UNC13D: variants seen among roughly 807,000 people sequenced by gnomAD.
UNC13D encodes the protein unc-13 homolog D.
A neutral mutation model predicts 151.7 loss-of-function variants in UNC13D; 115 were observed. The observed-to-expected ratio is 0.76, with a 90% CI of 0.65 to 0.88. The LOEUF (loss-of-function observed/expected upper bound fraction) is 0.88. Ranked by LOEUF, UNC13D falls within the 40% of genes least tolerant of loss-of-function variation. The pLI is 0.00. For synonymous variants in UNC13D, 588 were observed against 612.2 expected (o/e 0.96, Z 0.58); for missense variants, 1,369 against 1,438.7 (o/e 0.95, Z 0.78).
intron 13 of UNC13D, 26 bp downstream of exon 13, chr17:75,836,775 A>G: frequency 6.2e-7 from 1 of 1,613,674 alleles, no homozygotes; most frequent in Non-Finnish European, 8.5e-7. Context: ...CTGCCTGCTC[A>G]GTGCCCCTTG....
At chr17:75,841,425 G>A (rs559581348) in intron 6 of UNC13D, among the ~76,000 whole-genome samples, 2 of 147,594 alleles carry the variant, frequency 1.4e-5, no homozygotes, top group Admixed American at 6.8e-5. Context: ...TTACAAGCGT[G>A]AGCCACCGCG....
intron 12 of UNC13D, among the ~76,000 whole-genome samples, chr17:75,839,327 G>A (rs2064931465): frequency 1.3e-5 from 2 of 151,528 alleles, no homozygotes; most frequent in African/African-American, 4.9e-5. Context: ...ACTTGAACCT[G>A]GAAGGCAGAG....
chr17:75,831,275 G>A lies in UNC13D; in HGVS notation c.2521C>T (p.Leu841=). 1 of 1,614,034 alleles carries A rather than the reference G, an allele frequency of 6.2e-7. No homozygotes were observed. Among genetic ancestry groups the A allele is most frequent in the Middle Eastern group, 1.6e-4 (1 of 6,062 alleles). Reference sequence around the variant, plus strand: ...GCAATCTTCAGCCTGTTGGAAGCCAGGGATGAGCTGCGCTGGGAGGCGGCC... The same window carrying A: ...GCAATCTTCAGCCTGTTGGAAGCCAAGGATGAGCTGCGCTGGGAGGCGGCC... ...EAAASQRSSS[L]ASNRLKIALQ... is the part of the protein sequence containing the mutation. Residue 841 remains leucine, a synonymous_variant, in exon 26 of 32, where the codon CTG becomes TTG. Coordinates refer to ENST00000207549, the MANE Select transcript of UNC13D (RefSeq NM_199242.3).
At chr17:75,842,387 C>T in intron 6 of UNC13D, 46 bp downstream of exon 6, 1 of 1,586,322 alleles carries the variant, frequency 6.3e-7, no homozygotes, top group Non-Finnish European at 8.6e-7. Flanking sequence ...ACCCTGCTAC[C>T]CAGGAAAGAC....
chr17:75,834,893 G>C, intron 21 of UNC13D, 27 bp downstream of exon 21: 3 of 1,613,824 alleles, frequency 1.9e-6, no homozygotes, highest in East Asian at 4.5e-5. Flanking sequence ...TAGAAAGAGG[G>C]GGAAGGACAC....
chr17:75,842,327 AC>A, intron 6 of UNC13D, 105 bp downstream of exon 6: 3 of 1,471,430 alleles, frequency 2.0e-6, no homozygotes, highest in Non-Finnish European at 2.7e-6. Flanking sequence ...CCAGGGCCAA[AC>A]CCCCTCCCCT....
chr17:75,839,784 C>CA, intron 12 of UNC13D, 55 bp downstream of exon 12: 2 of 1,572,440 alleles, frequency 1.3e-6, no homozygotes, highest in Non-Finnish European at 1.7e-6. Flanking sequence ...TGGAGGAGGG[C>CA]AGGGGGCGTG....
At chr17:75,828,496 C>T (rs1452961695) in intron 31 of UNC13D, among the ~76,000 whole-genome samples, 1 of 152,248 alleles carries the variant, frequency 6.6e-6, no homozygotes, top group Non-Finnish European at 1.5e-5. Flanking sequence ...AAGCATCAGA[C>T]CGTTGCTGGT....
At position 75,836,341 on chromosome 17, in the gene UNC13D, G is replaced by T; in HGVS notation, c.1387C>A (p.Gln463Lys). ...CATCCCCAGCGCGAGTACCATACCTGCAGGGCCTCAGTCACCAGCTGGGGC... is the reference window on the plus strand; with the variant it reads ...CATCCCCAGCGCGAGTACCATACCTTCAGGGCCTCAGTCACCAGCTGGGGC... ...PLPQLVTEAL[Q>K]TGTTEWFHLK... Residue 463 changes from glutamine (Q) to lysine (K), a missense_variant and splice_region_variant, in exon 15 of 32, where the codon CAG becomes AAG. This residue lies in a region of UNC13D where 12 missense variants were observed against 34.3 expected (regional missense o/e 0.35). Coordinates refer to ENST00000207549, the MANE Select transcript of UNC13D (RefSeq NM_199242.3). 1.2e-6 allele frequency: 2 copies of T among 1,613,908 alleles called. No individual in the cohort carries two copies. The highest frequency in any genetic ancestry group is 1.7e-6 in the Non-Finnish European group (2 of 1,180,020).
rs749234163 is a variant in UNC13D at position 75,844,268 on chromosome 17, G to T, written c.70C>A (p.Arg24Ser). ...FLRQAIKIRR[R>S]RVRDLQDPPP... ...GGATCCTGTAGATCTCTGACTCTGC[G>T]GCGCCTTATCTTGATGGCCTGGCGC... Residue 24 changes from arginine to serine, a missense_variant, in exon 1 of 32, where the codon CGC becomes AGC. Around this residue, in one of 3 missense-constraint regions of UNC13D, gnomAD observed 550 missense variants for 609.0 expected, o/e 0.90. Transcript: ENST00000207549. 3 of 1,612,526 alleles carry T rather than the reference G, an allele frequency of 1.9e-6. No homozygotes were observed. The highest frequency in any genetic ancestry group is 1.3e-5 in the African/African-American group (1 of 74,904).
chr17:75,829,501 G>A (rs550492748), intron 30 of UNC13D, among the ~76,000 whole-genome samples: 2 of 151,700 alleles, frequency 1.3e-5, no homozygotes, highest in South Asian at 2.1e-4. Flanking sequence ...CACCATGTTA[G>A]CCAGGATGGT....
intron 6 of UNC13D, among the ~76,000 whole-genome samples, chr17:75,841,857 C>A (rs2064952016): frequency 6.7e-6 from 1 of 150,270 alleles, no homozygotes; most frequent in African/African-American, 2.4e-5. Flanking sequence ...CAAGCGATTC[C>A]CCTGCCTCAG....
Position 75,843,464 on chromosome 17 carries a change from C to G in UNC13D, c.153+20G>C, listed in dbSNP as rs2064964173. The G allele has an allele frequency of 5.0e-6, 8 of 1,602,638 alleles. No individual in the cohort carries two copies. In the African/African-American group the frequency reaches 9.3e-5, roughly 19 times the overall value. On this transcript the variant is annotated intron_variant, in intron 2 of 31. Transcript: ENST00000207549. ...AGCCGCCCTCCCCACCTCTCTGCAC[C>G]CCAGCACTCTGACTCTTACCTGCTC... is the stretch of plus-strand genomic sequence containing the variant.
chr17:75,839,769 C>T (rs530359733), intron 12 of UNC13D, 70 bp downstream of exon 12: 515 of 1,514,358 alleles, frequency 3.4e-4, no homozygotes, highest in East Asian at 9.5e-4. Flanking sequence ...TTTGGGCTAC[C>T]GGCTTGGAGG....
rs995579609 is a variant in UNC13D, at chr17:75,836,982, G to A, written c.1056-64C>T. ...GGAAATTGCCTTCCCCTGTTCACCC[G>A]GCCTCAGGTGGGGGGAATCGCCTCC... On this transcript the variant is annotated intron_variant, in intron 12 of 31. Coordinates refer to ENST00000207549, the MANE Select transcript of UNC13D (RefSeq NM_199242.3). 1.3e-5 allele frequency: 15 copies of A among 1,136,256 alleles called. No individual in the cohort carries two copies. The East Asian group carries it at 2.7e-4, about 20-fold the overall frequency. 70.4% of individuals were successfully genotyped at this position (1,136,256 alleles called of 1,614,324 possible). A position where few individuals can be genotyped will look rare whatever the true frequency, so the allele number is the denominator to read the frequency against.
Position 75,834,987 on chromosome 17 carries a change from T to C in UNC13D, c.1925A>G (p.His642Arg). ...DLSTCFAQIS[H>R]TARQLDWPDP... is the part of the protein sequence containing the mutation. The stretch of plus-strand genomic sequence containing the variant: ...TGGCCAGTCCAGCTGCCGGGCAGTG[T>C]GGCTGATCTGGGCAAAGCAGGTGGA... The change falls in exon 21 of 32, where the codon CAC becomes CGC. Residue 642 changes from histidine (H) to arginine (R), a missense_variant. By Grantham distance (29) the His-to-Arg change is conservative (BLOSUM62 0). Coordinates refer to ENST00000207549, the MANE Select transcript of UNC13D (RefSeq NM_199242.3). 1 of 1,614,102 alleles carries C rather than the reference T, an allele frequency of 6.2e-7. No homozygotes were observed. The highest frequency in any genetic ancestry group is 8.5e-7 in the Non-Finnish European group (1 of 1,180,010).
At chr17:75,837,151 C>T (rs1483316488) in intron 12 of UNC13D, among the ~76,000 whole-genome samples, 1 of 151,616 alleles carries the variant, frequency 6.6e-6, no homozygotes, top group Admixed American at 6.6e-5. Context: ...CTGCAACCTG[C>T]GCCTCCTGGG....
rs755768999 is a variant in UNC13D, at chr17:75,835,453, T to G, written c.1804A>C (p.Asn602His). The part of the protein sequence containing the change: ...AIPSWLQKTY[N>H]EALARVQRAV... ...CGCTGCACCCGCGCCAGGGCCTCGT[T>G]GTACGTCTTCTGCAGCCAGGAGGGG... is the stretch of plus-strand genomic sequence containing the variant. Residue 602 changes from asparagine to histidine, a missense_variant, in exon 20 of 32, where the codon AAC (asparagine) becomes CAC (histidine). Transcript: ENST00000207549. The G allele has an allele frequency of 6.2e-7, 1 of 1,612,964 alleles. No homozygotes were observed. Among genetic ancestry groups the G allele is most frequent in the Non-Finnish European group, 8.5e-7 (1 of 1,179,794 alleles).
chr17:75,830,527 G>A lies in UNC13D; in HGVS notation c.2710-45C>T, dbSNP rs755128821. On this transcript the variant is annotated intron_variant, in intron 28 of 31. Transcript: ENST00000207549. ...CAGGGTCAGCAGGGTCACAGCGGGA[G>A]CGGGGTGCTCCAGGGCCTGCAGAGG... is the stretch of plus-strand genomic sequence containing the variant. The A allele has an allele frequency of 2.0e-5, 32 of 1,581,294 alleles. No individual in the cohort carries two copies. The East Asian group carries it at 6.2e-4, about 31-fold the overall frequency.
Sources: allele counts gnomAD v4.1 joint callset (sites outside exome capture counted in the v4.1 genomes callset), GRCh38; gene constraint gnomAD v4.1.1; regional missense constraint gnomAD v4.1.1; transcripts MANE v1.5; gene names NCBI Gene and HGNC (gene_info 2026-07-23, HGNC 2026-07-21).